Variants in MADCAM1 observed in about 807,000 individuals in gnomAD.
MADCAM1 encodes the protein mucosal addressin cell adhesion molecule 1.
In MADCAM1, 19 loss-of-function variants were observed where a neutral mutation model predicts 26.1. That is an observed-to-expected ratio of 0.73 (90% CI 0.51 to 1.07). The LOEUF (loss-of-function observed/expected upper bound fraction) is 1.07, where lower values mean the gene tolerates loss of function less well. Among genes scored for constraint, MADCAM1 ranks in the 50% least tolerant of loss-of-function variants. The pLI is 0.00. For synonymous variants in MADCAM1, 268 were observed against 260.9 expected (o/e 1.03, Z -0.26); for missense variants, 514 against 542.1 (o/e 0.95, Z 0.51).
Position 498,125 on chromosome 19 carries a change from GT to G in MADCAM1, c.337+9del. 7.6e-7 allele frequency: 1 copy of G among 1,316,284 alleles called. No homozygotes were observed. The highest frequency in any genetic ancestry group is 9.7e-7 in the Non-Finnish European group (1 of 1,032,890). 81.5% of individuals were successfully genotyped at this position (1,316,284 alleles called of 1,614,324 possible). A position where few individuals can be genotyped will look rare whatever the true frequency, so the allele number is the denominator to read the frequency against. The stretch of plus-strand genomic sequence containing the variant: ...TGCAGCTCCTTGTGTACGGTGAGGC[GT>G]CCCCCCGCGCCCTGCCTCTCTGACC... On this transcript the variant is annotated intron_variant, in intron 2 of 4. Coordinates refer to ENST00000215637, the MANE Select transcript of MADCAM1 (RefSeq NM_130760.3).
At chr19:504,722 G>A in intron 4 of MADCAM1, 23 bp from the exon 5 acceptor site, 1 of 1,565,502 alleles carries the variant, frequency 6.4e-7, no homozygotes. Flanking sequence ...CTCTGACCGG[G>A]GTCTCCTGCA....
In MADCAM1 at chr19:498,049, G is replaced by A. The variant is rs1978294257; in HGVS notation, c.269G>A (p.Gly90Glu). The change falls in exon 2 of 5, where the codon GGG (glycine) becomes GAG (glutamate). Residue 90 changes from glycine to glutamate, a missense_variant. Transcript: ENST00000215637. The part of the protein sequence containing the change: ...TVRNASLSAA[G>E]TRVCVGSCGG... ...CGCAACGCCTCGCTGTCGGCGGCCG[G>A]GACCCGCGTGTGCGTGGGCTCCTGC... 8.1e-6 allele frequency: 12 copies of A among 1,482,286 alleles called. No individual in the cohort carries two copies. Among genetic ancestry groups the A allele is most frequent in the Admixed American group, 2.3e-5 (1 of 43,816 alleles). The allele number at this position is 1,482,286 out of a possible 1,614,324, so 91.8% of individuals were successfully genotyped here.
chr19:501,962 G>A, intron 4 of MADCAM1, 33 bp downstream of exon 4: 13 of 1,413,160 alleles, frequency 9.2e-6, no homozygotes, highest in Non-Finnish European at 1.2e-5. Context: ...AGGGAGGGTG[G>A]GAAGGGCTGA....
Position 504,847 on chromosome 19 carries a change from G to A in MADCAM1, c.1031G>A (p.Arg344His), listed in dbSNP as rs373464736. Residue 344 changes from arginine to histidine, a missense_variant, in exon 5 of 5, where the codon CGC (arginine) becomes CAC (histidine). Coordinates refer to ENST00000215637, the MANE Select transcript of MADCAM1 (RefSeq NM_130760.3). The part of the protein sequence containing the change: ...LALPTYHLWK[R>H]CRHLAEDDTH... ...TTGCCCACCTATCACCTCTGGAAAC[G>A]CTGCCGGCACCTGGCTGAGGACGAC... is the stretch of plus-strand genomic sequence containing the variant. The A allele has an allele frequency of 9.3e-6, 15 of 1,612,832 alleles. No individual in the cohort carries two copies. Among genetic ancestry groups the A allele is most frequent in the African/African-American group, 1.3e-5 (1 of 74,920 alleles).
rs147543851 is a variant in MADCAM1, at chr19:504,920, G to C, written c.1104G>C (p.Trp368Cys). The C allele has an allele frequency of 4.6e-5, 74 of 1,612,000 alleles. No individual in the cohort carries two copies. Among genetic ancestry groups the C allele is most frequent in the Non-Finnish European group, 6.1e-5 (72 of 1,179,348 alleles). ...GGCTTCTGCCCCAGGTGTCGGCCTGGGCTGGGTTAAGGGGGACCGGCCAGG... is the reference window on the plus strand; with the variant it reads ...GGCTTCTGCCCCAGGTGTCGGCCTGCGCTGGGTTAAGGGGGACCGGCCAGG... ...SLRLLPQVSA[W>C]AGLRGTGQVG... Residue 368 changes from tryptophan (W) to cysteine (C), a missense_variant, in exon 5 of 5, where the codon TGG (tryptophan) becomes TGC (cysteine). Transcript: ENST00000215637.
rs1486028592 is a variant in MADCAM1 at position 501,657 on chromosome 19, C to G, written c.668-12C>G. 18 of 1,587,386 alleles carry G rather than the reference C, an allele frequency of 1.1e-5. No individual in the cohort carries two copies. In the Middle Eastern group the frequency reaches 2.1e-3, roughly 184 times the overall value. On this transcript the variant is annotated splice_polypyrimidine_tract_variant and intron_variant, in intron 3 of 4. Transcript: ENST00000215637. Reference sequence around the variant, plus strand: ...AGCAGAGAGGAAAAAAAAACCCTCACTCTGTTTCCAGTCCTGCACAGCCCG... The same window carrying G: ...AGCAGAGAGGAAAAAAAAACCCTCAGTCTGTTTCCAGTCCTGCACAGCCCG...
Position 503,367 on chromosome 19 carries a change from G to T in MADCAM1, c.929-1378G>T, listed in dbSNP as rs549275624. Among the ~76,000 whole-genome samples, 325 of 150,704 alleles carry T rather than the reference G, an allele frequency of 2.2e-3. 2 individuals are homozygous for T. Among genetic ancestry groups the T allele is most frequent in the East Asian group, 0.012 (61 of 4,984 alleles). On this transcript the variant is annotated intron_variant, in intron 4 of 4. Transcript: ENST00000215637. ...GAGGCCAAGGCGGGCGGATCACGAG[G>T]TCAGGAGATCGAGACCATCCTGGCT...
intron 3 of MADCAM1, among the ~76,000 whole-genome samples, chr19:501,196 A>C (rs939907321): frequency 1.7e-4 from 26 of 151,156 alleles, no homozygotes; most frequent in Admixed American, 7.2e-4. Context: ...CTCTAAAAAA[A>C]AAAACCAGGC....
Position 498,690 on chromosome 19 carries a change from G to T in MADCAM1, c.532G>T (p.Asp178Tyr), listed in dbSNP as rs865806687. Residue 178 changes from aspartate to tyrosine, a missense_variant, in exon 3 of 5, where the codon GAC becomes TAC. Physicochemically the swap from Asp to Tyr is radical, Grantham distance 160. Coordinates refer to ENST00000215637, the MANE Select transcript of MADCAM1 (RefSeq NM_130760.3). ...GGAGGAGGAGGAGGAGCCCCAGGGG[G>T]ACGAGGACGTGCTGTTCAGGGTGAC... is the stretch of plus-strand genomic sequence containing the variant. ...VQEEEEEPQG[D>Y]EDVLFRVTER... 1.0e-5 allele frequency: 15 copies of T among 1,448,648 alleles called. No homozygotes were observed. Among genetic ancestry groups the T allele is most frequent in the African/African-American group, 1.4e-5 (1 of 69,350 alleles). 89.7% of individuals were successfully genotyped at this position (1,448,648 alleles called of 1,614,324 possible).
At chr19:499,385 TACAA>T in intron 3 of MADCAM1, 1 of 456,028 alleles carries the variant, frequency 2.2e-6, no homozygotes, top group Non-Finnish European at 4.4e-6. Context: ...CCCCAACGTG[TACAA>T]ACATAGGCAC....
At chr19:501,951 C>T (rs1568318221) in intron 4 of MADCAM1, 22 bp downstream of exon 4, 1 of 1,397,236 alleles carries the variant, frequency 7.2e-7, no homozygotes, top group Admixed American at 2.5e-5. Flanking sequence ...TCCCTGGGGG[C>T]AGGGAGGGTG....
chr19:504,255 C>CATTTTTTTTTTTTTTTTTTTT (rs1270034691), intron 4 of MADCAM1, among the ~76,000 whole-genome samples: 1 of 88,150 alleles, frequency 1.1e-5, no homozygotes. Flanking sequence ...CCGGTCTGCC[C>CATTTTTTTTTTTTTTTTTTTT]TTTTTTTTTT....
chr19:504,537 C>T (rs1207495383), intron 4 of MADCAM1, among the ~76,000 whole-genome samples: 4 of 152,288 alleles, frequency 2.6e-5, no homozygotes, highest in Non-Finnish European at 5.9e-5. Context: ...GGATTTCAGG[C>T]GTGAGCCACC....
At chr19:498,413 C>A in intron 2 of MADCAM1, 83 bp from the exon 3 acceptor site, 1 of 1,366,046 alleles carries the variant, frequency 7.3e-7, no homozygotes. Context: ...GGCCCCAGCT[C>A]CAAGCCCCTC....
chr19:503,987 G>A (rs201290976), intron 4 of MADCAM1, among the ~76,000 whole-genome samples: 86 of 151,740 alleles, frequency 5.7e-4, no homozygotes, highest in Non-Finnish European at 7.8e-4. Flanking sequence ...CCCGGGAGGC[G>A]GAAGTGGCAG....
Position 501,797 on chromosome 19 carries a change from G to A in MADCAM1, c.796G>A (p.Asp266Asn), listed in dbSNP as rs201886804. The change falls in exon 4 of 5, where the codon GAC becomes AAC. Residue 266 changes from aspartate to asparagine, a missense_variant. This residue lies in a region of MADCAM1 where 45 missense variants were observed against 91.8 expected (regional missense o/e 0.49). Transcript: ENST00000215637. Reference protein sequence around the residue: ...PPDTTSPEPPDKTSPEPAPQQ... With the variant: ...PPDTTSPEPPNKTSPEPAPQQ... ...CGACACCACCTCCCCGGAGCCTCCC[G>A]ACAAGACCTCCCCGGAGCCCGCCCC... The A allele has an allele frequency of 1.9e-5, 29 of 1,560,626 alleles. No homozygotes were observed. Among genetic ancestry groups the A allele is most frequent in the Middle Eastern group, 1.7e-4 (1 of 5,908 alleles).
intron 3 of MADCAM1, 92 bp from the exon 4 acceptor site, chr19:501,577 G>T: frequency 2.1e-6 from 3 of 1,416,062 alleles, no homozygotes; most frequent in Non-Finnish European, 9.5e-7. Flanking sequence ...AGGGGTTCTG[G>T]TCCAAGCCCT....
At chr19:498,861 C>T (rs974498293) in intron 3 of MADCAM1, 36 bp downstream of exon 3, 38 of 1,446,694 alleles carry the variant, frequency 2.6e-5, no homozygotes, top group Non-Finnish European at 2.9e-5. Context: ...CCCACCCGCT[C>T]GCCAGCCTTG....
chr19:501,989 G>C, intron 4 of MADCAM1, 60 bp downstream of exon 4: 2 of 1,409,600 alleles, frequency 1.4e-6, no homozygotes, highest in Non-Finnish European at 1.9e-6. Context: ...GAGGTTCCTT[G>C]GATGAAGACT....
Sources: allele counts gnomAD v4.1 joint callset (sites outside exome capture counted in the v4.1 genomes callset), GRCh38; gene constraint gnomAD v4.1.1; regional missense constraint gnomAD v4.1.1; transcripts MANE v1.5; gene names NCBI Gene and HGNC (gene_info 2026-07-23, HGNC 2026-07-21).